Variants in CTNNA2 observed in about 807,000 individuals in gnomAD.
CTNNA2 encodes the protein catenin alpha-2.
CTNNA2 carries 42 observed loss-of-function variants against 101.0 expected under a neutral mutation model. The observed-to-expected ratio is 0.42, with a 90% CI of 0.32 to 0.54. The LOEUF (loss-of-function observed/expected upper bound fraction) is 0.54. CTNNA2 is among the 20% of genes least tolerant of loss of function. CTNNA2 has a pLI of 0.14. For missense variants in CTNNA2, 871 were observed against 1,223.1 expected (o/e 0.71, Z 4.29); for synonymous variants, 450 against 456.4 (o/e 0.99, Z 0.18).
At chr2:80,224,055 T>G (rs1463874989) in intron 7 of CTNNA2, among the ~76,000 whole-genome samples, 3 of 152,164 alleles carry the variant, frequency 2.0e-5, no homozygotes, top group Admixed American at 6.5e-5. Context: ...GAACCAGCCT[T>G]AGCTGCTCAC....
At chr2:80,037,702 A>G (rs1424174986) in intron 7 of CTNNA2, among the ~76,000 whole-genome samples, 1 of 152,206 alleles carries the variant, frequency 6.6e-6, no homozygotes, top group Non-Finnish European at 1.5e-5. Flanking sequence ...GGGCAATAGC[A>G]ATGGTTCAAT....
At chr2:79,641,752 A>T (rs540937269) in intron 1 of CTNNA2, among the ~76,000 whole-genome samples, 8 of 152,296 alleles carry the variant, frequency 5.3e-5, no homozygotes, top group African/African-American at 1.9e-4. Flanking sequence ...AAATGATAAG[A>T]CTGTGAATGC....
rs1290038177 is a variant in CTNNA2, at chr2:80,647,644, C to T, written c.2634C>T (p.Leu878=). The T allele has an allele frequency of 1.4e-5, 22 of 1,613,336 alleles. No homozygotes were observed. Among genetic ancestry groups the T allele is most frequent in the Non-Finnish European group, 1.9e-5 (22 of 1,179,432 alleles). The change falls in exon 19 of 19, where the codon CTC becomes CTT. Residue 878 remains leucine, a synonymous_variant. Coordinates refer to ENST00000402739, the MANE Select transcript of CTNNA2 (RefSeq NM_001282597.3). ...AAKNLMNAVV[L]TVKASYVAST... Reference sequence around the variant, plus strand: ...AAAACCTGATGAATGCTGTTGTCCTCACGGTGAAAGCATCCTATGTGGCCT... The same window carrying T: ...AAAACCTGATGAATGCTGTTGTCCTTACGGTGAAAGCATCCTATGTGGCCT...
chr2:80,380,275 A>T (rs913429012), intron 7 of CTNNA2, among the ~76,000 whole-genome samples: 3 of 151,960 alleles, frequency 2.0e-5, no homozygotes, highest in Non-Finnish European at 4.4e-5. Flanking sequence ...TGACTTTGTG[A>T]TCCTCCCACC....
intron 2 of CTNNA2, among the ~76,000 whole-genome samples, chr2:79,213,340 T>C (rs1438071240): frequency 6.6e-6 from 1 of 152,226 alleles, no homozygotes; most frequent in East Asian, 1.9e-4. Context: ...GCATTAATGA[T>C]AGAGGACCCT....
At chr2:80,591,455 C>CTTTTTTT (rs1553401282) in intron 15 of CTNNA2, among the ~76,000 whole-genome samples, 5 of 57,580 alleles carry the variant, frequency 8.7e-5, no homozygotes, top group African/African-American at 2.4e-4. Flanking sequence ...TCTGCACAGC[C>CTTTTTTT]TGTTTTTTTT....
chr2:80,218,254 G>T (rs1329881404), intron 7 of CTNNA2, among the ~76,000 whole-genome samples: 2 of 152,202 alleles, frequency 1.3e-5, no homozygotes, highest in Non-Finnish European at 2.9e-5. Flanking sequence ...GAAGAAAATG[G>T]CTGTGGGTCT....
chr2:79,291,314 G>A (rs927945681), intron 2 of CTNNA2, among the ~76,000 whole-genome samples: 1 of 152,196 alleles, frequency 6.6e-6, no homozygotes, highest in African/African-American at 2.4e-5. Context: ...TATCCCAGGA[G>A]ACTGTCAGGT....
intron 7 of CTNNA2, among the ~76,000 whole-genome samples, chr2:80,308,083 G>A (rs1035008923): frequency 5.3e-5 from 8 of 150,716 alleles, no homozygotes; most frequent in African/African-American, 1.9e-4. Context: ...TTGTAAATTA[G>A]CCTTTGCCTA....
intron 7 of CTNNA2, among the ~76,000 whole-genome samples, chr2:80,098,905 AC>A (rs1383321082): frequency 6.6e-6 from 1 of 151,880 alleles, no homozygotes; most frequent in Non-Finnish European, 1.5e-5. Flanking sequence ...GCCATCTGTC[AC>A]CCCTTTCTTT....
At chr2:80,070,724 A>AG (rs1005618191) in intron 7 of CTNNA2, among the ~76,000 whole-genome samples, 22 of 151,248 alleles carry the variant, frequency 1.5e-4, no homozygotes, top group South Asian at 2.1e-4. Context: ...TCTCAAAAAA[A>AG]AAAAAAAGTC....
chr2:79,307,705 T>C (rs1441575946), intron 2 of CTNNA2, among the ~76,000 whole-genome samples: 7 of 152,302 alleles, frequency 4.6e-5, no homozygotes, highest in Non-Finnish European at 8.8e-5. Context: ...CTCTTCAATA[T>C]ATTGATTTTC....
chr2:80,213,798 A>G (rs1339284143), intron 7 of CTNNA2, among the ~76,000 whole-genome samples: 1 of 152,030 alleles, frequency 6.6e-6, no homozygotes, highest in Non-Finnish European at 1.5e-5. Flanking sequence ...TGATCTGTCT[A>G]ATGTTGACAG....
At chr2:79,628,859 C>T (rs956241951) in intron 1 of CTNNA2, among the ~76,000 whole-genome samples, 1 of 152,200 alleles carries the variant, frequency 6.6e-6, no homozygotes, top group Non-Finnish European at 1.5e-5. Flanking sequence ...TTTTTCTTCA[C>T]CACTCTTTGC....
rs1205829699 is a variant in CTNNA2 at position 79,931,051 on chromosome 2, A to G, written c.1056+21254A>G. ...TATATCTGGTGATTTTGATTAGACA[A>G]TTTTTAAATTATGAAATTTCATGGG... On this transcript the variant is annotated intron_variant, in intron 7 of 18. Coordinates refer to ENST00000402739, the MANE Select transcript of CTNNA2 (RefSeq NM_001282597.3). Among the ~76,000 whole-genome samples, 3 of 152,266 alleles carry G rather than the reference A, an allele frequency of 2.0e-5. No individual in the cohort carries two copies. In the East Asian group the frequency reaches 5.8e-4, roughly 29 times the overall value.
chr2:79,259,695 C>T (rs1203585832), intron 2 of CTNNA2, among the ~76,000 whole-genome samples: 2 of 152,166 alleles, frequency 1.3e-5, no homozygotes, highest in African/African-American at 2.4e-5. Flanking sequence ...AGGCTGCCTA[C>T]CTGCAGCTCT....
At chr2:80,210,922 A>G (rs1707849150) in intron 7 of CTNNA2, among the ~76,000 whole-genome samples, 1 of 152,162 alleles carries the variant, frequency 6.6e-6, no homozygotes. Context: ...CTGGTGTGAT[A>G]TGGTATCTCA....
intron 7 of CTNNA2, among the ~76,000 whole-genome samples, chr2:80,338,067 C>A (rs138822305): frequency 6.6e-6 from 1 of 152,046 alleles, no homozygotes; most frequent in Non-Finnish European, 1.5e-5. Context: ...CAGCTCACTG[C>A]AACCTCTGCC....
intron 12 of CTNNA2, among the ~76,000 whole-genome samples, chr2:80,564,802 T>G (rs946832930): frequency 6.6e-6 from 1 of 152,110 alleles, no homozygotes; most frequent in African/African-American, 2.4e-5. Flanking sequence ...AGCTGACAAA[T>G]AGCAGCAAAT....
Sources: allele counts gnomAD v4.1 joint callset (sites outside exome capture counted in the v4.1 genomes callset), GRCh38; gene constraint gnomAD v4.1.1; transcripts MANE v1.5; gene names NCBI Gene and HGNC (gene_info 2026-07-23, HGNC 2026-07-21).